TBCD: variants seen among roughly 807,000 people sequenced by gnomAD.
The protein encoded by TBCD is tubulin-specific chaperone D.
A neutral mutation model predicts 169.3 loss-of-function variants in TBCD; 105 were observed. That is an observed-to-expected ratio of 0.62 (90% CI 0.53 to 0.73). The LOEUF is 0.73. TBCD is among the 30% of genes least tolerant of loss of function. TBCD has a pLI of 0.00. For synonymous variants in TBCD, 700 were observed against 643.9 expected, an observed-to-expected ratio of 1.09 and a Z score of -1.32; for missense variants, 1,444 against 1,600.1, an observed-to-expected ratio of 0.90 and a Z score of 1.66.
At chr17:82,803,870 G>A (rs1413645664) in intron 9 of TBCD, among the ~76,000 whole-genome samples, 1 of 149,808 alleles carries the variant, frequency 6.7e-6, no homozygotes, top group African/African-American at 2.5e-5. Context: ...GGGGCGTTAG[G>A]GGAGACTGGG....
chr17:82,876,983 T>C (rs900010901), intron 14 of TBCD: 28 of 985,286 alleles, frequency 2.8e-5, no homozygotes, highest in Non-Finnish European at 3.4e-5. Flanking sequence ...TTAGACTTGG[T>C]GAGGATGGTA....
intron 5 of TBCD, 129 bp from the exon 6 acceptor site, chr17:82,772,323 C>A: frequency 1.1e-6 from 1 of 903,182 alleles, no homozygotes; most frequent in Non-Finnish European, 1.8e-6. Flanking sequence ...TGGACTTAGG[C>A]CTGTGCTGGT....
intron 12 of TBCD, among the ~76,000 whole-genome samples, chr17:82,814,419 T>C (rs1010413687): frequency 1.3e-5 from 2 of 152,260 alleles, no homozygotes; most frequent in African/African-American, 4.8e-5. Flanking sequence ...TGACCAAGAC[T>C]TGTCCTCACT....
intron 13 of TBCD, among the ~76,000 whole-genome samples, chr17:82,853,542 A>G (rs1344164443): frequency 6.6e-6 from 1 of 151,844 alleles, no homozygotes; most frequent in Admixed American, 6.6e-5. Flanking sequence ...AGCTGAGACT[A>G]CAGGTGTTTG....
rs2063475931 is a variant in TBCD at position 82,943,530 on chromosome 17, C to T, written c.*1067C>T. 6.8e-6 allele frequency: 1 copy of T among 146,456 alleles called. No individual in the cohort carries two copies. Among genetic ancestry groups the T allele is most frequent in the South Asian group, 2.2e-4 (1 of 4,586 alleles). The allele number at this position is 146,456 out of a possible 1,614,324, so 9.1% of individuals were successfully genotyped here. A position where few individuals can be genotyped will look rare whatever the true frequency, so the allele number is the denominator to read the frequency against. On this transcript the variant is annotated 3_prime_UTR_variant, in exon 39 of 39. Transcript: ENST00000355528. ...GATTAGGGTGGCTCCCTGGCCTGCTCTCAGGTGGGGATGGGGCCTGGACAC... is the reference window on the plus strand; with the variant it reads ...GATTAGGGTGGCTCCCTGGCCTGCTTTCAGGTGGGGATGGGGCCTGGACAC...
intron 14 of TBCD, among the ~76,000 whole-genome samples, chr17:82,882,324 C>G (rs952749246): frequency 6.6e-6 from 1 of 152,242 alleles, no homozygotes; most frequent in Non-Finnish European, 1.5e-5. Flanking sequence ...CATTCCCCCC[C>G]AGCCCCTGAC....
chr17:82,908,405 T>G (rs1261877557), intron 21 of TBCD: 2 of 456,680 alleles, frequency 4.4e-6, no homozygotes, highest in Non-Finnish European at 8.8e-6. Context: ...TTCTGGGCTT[T>G]GAGAGATTCT....
At chr17:82,838,287 G>A (rs2054154690) in intron 13 of TBCD, among the ~76,000 whole-genome samples, 1 of 152,100 alleles carries the variant, frequency 6.6e-6, no homozygotes, top group Admixed American at 6.6e-5. Context: ...TGCTTAACAA[G>A]CTTCTAAGGA....
intron 33 of TBCD, among the ~76,000 whole-genome samples, chr17:82,931,516 GCCTTGCCGTTCGCTCATTCCT>G (rs895281669): frequency 2.0e-5 from 3 of 146,890 alleles, no homozygotes; most frequent in African/African-American, 8.2e-5. Context: ...CGCTCATTCC[GCCTTGCCGTTCGCTCATTCCT>G]CCTTGCTGAC....
intron 15 of TBCD, among the ~76,000 whole-genome samples, chr17:82,885,559 A>G (rs1243943235): frequency 1.3e-5 from 2 of 152,186 alleles, no homozygotes; most frequent in Admixed American, 1.3e-4. Flanking sequence ...TGGGGAAATC[A>G]TCACATTTTT....
At chr17:82,804,768 C>T (rs1221456722) in intron 9 of TBCD, among the ~76,000 whole-genome samples, 1 of 152,202 alleles carries the variant, frequency 6.6e-6, no homozygotes, top group Non-Finnish European at 1.5e-5. Flanking sequence ...GGGAGGGAAT[C>T]ATTGGGCCCA....
chr17:82,937,261 G>T lies in TBCD; in HGVS notation c.3192-10G>T. 2 of 1,613,802 alleles carry T rather than the reference G, an allele frequency of 1.2e-6. No individual in the cohort carries two copies. The highest frequency in any genetic ancestry group is 1.7e-6 in the Non-Finnish European group (2 of 1,179,676). On this transcript the variant is annotated splice_polypyrimidine_tract_variant and intron_variant, in intron 34 of 38. Transcript: ENST00000355528. ...AAAGCTCATCTCTAAAGTGTGTGTT[G>T]TTCTTCCAGCCACCCCTTTGCTGTG...
chr17:82,814,777 C>A, intron 12 of TBCD, 63 bp from the exon 13 acceptor site: 2 of 1,523,856 alleles, frequency 1.3e-6, no homozygotes, highest in Non-Finnish European at 9.1e-7. Context: ...CCTTGCCATG[C>A]TGTGGGCTTT....
Position 82,752,119 on chromosome 17 carries a change from T to A in TBCD, c.-75T>A. On this transcript the variant is annotated 5_prime_UTR_variant, in exon 1 of 39. Coordinates refer to ENST00000355528, the MANE Select transcript of TBCD (RefSeq NM_005993.5). ...CCTCCTTTTCATCCCTCATCCTTCA[T>A]CCCTGGCTTTCGCGCTCTAGCGGAG... is the stretch of plus-strand genomic sequence containing the variant. The A allele has an allele frequency of 7.2e-7, 1 of 1,396,000 alleles. No individual in the cohort carries two copies. Among genetic ancestry groups the A allele is most frequent in the South Asian group, 1.5e-5 (1 of 65,960 alleles). The allele number at this position is 1,396,000 out of a possible 1,614,324, so 86.5% of individuals were successfully genotyped here. A position where few individuals can be genotyped will look rare whatever the true frequency, so the allele number is the denominator to read the frequency against.
rs1159191289 is a variant in TBCD, at chr17:82,831,743, TG to T, written c.1318+16813del. The stretch of plus-strand genomic sequence containing the variant: ...AAGTGAGGCGGGTACTCTGGGATTG[TG>T]GGGTGCATGTAAGGGGAAATGGCCC... On this transcript the variant is annotated intron_variant, in intron 13 of 38. Transcript: ENST00000355528. This position sits in a 1 kb window ranked among gnomAD's most constrained non-coding sequence, Gnocchi z 4.6. 1 of 1,614,014 alleles carries T rather than the reference TG, an allele frequency of 6.2e-7. No individual in the cohort carries two copies. The highest frequency in any genetic ancestry group is 1.7e-5 in the Admixed American group (1 of 60,006).
At position 82,808,500 on chromosome 17, in the gene TBCD, G is replaced by C. The variant is rs1255328400; in HGVS notation, c.1148+832G>C. On this transcript the variant is annotated intron_variant, in intron 11 of 38. Transcript: ENST00000355528. Reference sequence around the variant, plus strand: ...CAGGTGGAGGGGCTGACAGGTGCTGGGGGGCGGGGAGGCCCCTGCTGTGGA... The same window carrying C: ...CAGGTGGAGGGGCTGACAGGTGCTGCGGGGCGGGGAGGCCCCTGCTGTGGA... Among the ~76,000 whole-genome samples, 6 of 124,250 alleles carry C rather than the reference G, an allele frequency of 4.8e-5. No homozygotes were observed. In the East Asian group the frequency reaches 1.5e-3, roughly 32 times the overall value. The allele number at this position is 124,250 out of a possible 152,430, so 81.5% of individuals were successfully genotyped here.
intron 13 of TBCD, among the ~76,000 whole-genome samples, chr17:82,822,636 A>G (rs1010221444): frequency 6.6e-6 from 1 of 152,198 alleles, no homozygotes; most frequent in African/African-American, 2.4e-5. Flanking sequence ...ACGGGGGTGC[A>G]GTGGAAAGGA....
chr17:82,831,801 A>G lies in TBCD; in HGVS notation c.1318+16867A>G, dbSNP rs1182698367. ...CCTTTGTAGATGAGATTTTATGTGG[A>G]AACTCTGGTGGAAGGAAAGGTGAGC... On this transcript the variant is annotated intron_variant, in intron 13 of 38. Coordinates refer to ENST00000355528, the MANE Select transcript of TBCD (RefSeq NM_005993.5). This position sits in a 1 kb window ranked among gnomAD's most constrained non-coding sequence, Gnocchi z 4.6. 6.2e-7 allele frequency: 1 copy of G among 1,614,084 alleles called. No homozygotes were observed. The highest frequency in any genetic ancestry group is 2.2e-5 in the East Asian group (1 of 44,880).
rs1450895442 is a variant in TBCD at position 82,940,217 on chromosome 17, GCGCGCACACA to G, written c.3479+743_3479+752del. Among the ~76,000 whole-genome samples the G allele has an allele frequency of 3.9e-5, 4 of 101,382 alleles. No individual in the cohort carries two copies. The East Asian group carries it at 1.2e-3, about 31-fold the overall frequency. The allele number at this position is 101,382 out of a possible 152,430, so 66.5% of individuals were successfully genotyped here. ...GGCTCACACACATGCTCACTTGCAC[GCGCGCACACA>G]CACACACACACACACACACTTCTAA... On this transcript the variant is annotated intron_variant, in intron 37 of 38. Transcript: ENST00000355528.
Sources: gnomAD v4.1 joint callset for allele counts (sites outside exome capture counted in the v4.1 genomes callset) on GRCh38, gnomAD v4.1.1 for gene constraint, Gnocchi (gnomAD v3.1) non-coding constraint, MANE v1.5 for transcripts, NCBI Gene and HGNC (gene_info 2026-07-23, HGNC 2026-07-21) for gene names.